Variants in ATR observed in about 807,000 individuals in gnomAD.
The protein encoded by ATR is serine/threonine-protein kinase ATR.
Under a neutral mutation model 305.3 loss-of-function variants are expected in ATR, and 142 were observed. The ratio of observed to expected loss-of-function variants is 0.47; its 90% confidence interval spans 0.41 to 0.53. The LOEUF is 0.53. ATR is among the 20% of genes least tolerant of loss of function. ATR has a pLI of 0.00. For missense variants in ATR, 2,135 were observed against 3,133.1 expected (o/e 0.68, Z 7.60); for synonymous variants, 1,050 against 1,068.1 (o/e 0.98, Z 0.33).
intron 16 of ATR, among the ~76,000 whole-genome samples, chr3:142,546,984 A>G (rs923890675): frequency 1.3e-5 from 2 of 152,188 alleles, no homozygotes; most frequent in African/African-American, 2.4e-5. Flanking sequence ...TTTATATCCT[A>G]CTGCTCAAGG....
At chr3:142,470,366 C>T (rs1425060251) in intron 36 of ATR, among the ~76,000 whole-genome samples, 183 bp from the exon 37 acceptor site, 2 of 152,140 alleles carry the variant, frequency 1.3e-5, no homozygotes, top group Admixed American at 1.3e-4. Context: ...TCTACATTCC[C>T]TGTACCAAAA....
chr3:142,451,526 A>G, intron 46 of ATR: 1 of 1,400,272 alleles, frequency 7.1e-7, no homozygotes, highest in Non-Finnish European at 9.4e-7. Flanking sequence ...GAAAGAGAAC[A>G]CCAACACCTA....
Position 142,553,984 on chromosome 3 carries a change from C to T in ATR, c.2373G>A (p.Lys791=). Residue 791 remains lysine (K), a synonymous_variant, in exon 11 of 47, where the codon AAG becomes AAA. Transcript: ENST00000350721. ...TTTCATCTTCTCTAAAATCAAGATGCTTACAAAGATGATGTAGATTATCTA... is the reference window on the plus strand; with the variant it reads ...TTTCATCTTCTCTAAAATCAAGATGTTTACAAAGATGATGTAGATTATCTA... ...AFIDNLHHLC[K]HLDFREDETD... The T allele has an allele frequency of 6.2e-7, 1 of 1,609,448 alleles. No homozygotes were observed. Among genetic ancestry groups the T allele is most frequent in the Non-Finnish European group, 8.5e-7 (1 of 1,177,964 alleles).
chr3:142,468,492 C>A (rs1165352713), intron 38 of ATR, among the ~76,000 whole-genome samples: 1 of 151,868 alleles, frequency 6.6e-6, no homozygotes, highest in East Asian at 1.9e-4. Context: ...TGTACGGCAA[C>A]ATAATTAAAT....
intron 36 of ATR, among the ~76,000 whole-genome samples, chr3:142,471,799 T>A (rs1054731129): frequency 2.6e-5 from 4 of 152,214 alleles, no homozygotes; most frequent in Non-Finnish European, 5.9e-5. Context: ...TTAACTATAG[T>A]GACCATGTTG....
intron 9 of ATR, 21 bp downstream of exon 9, chr3:142,556,362 A>G: frequency 6.3e-7 from 1 of 1,599,398 alleles, no homozygotes; most frequent in Non-Finnish European, 8.6e-7. Flanking sequence ...GATATATTCA[A>G]ATTAAAATCT....
chr3:142,565,607 A>T (rs376202512), intron 3 of ATR, among the ~76,000 whole-genome samples: 1 of 152,042 alleles, frequency 6.6e-6, no homozygotes. Flanking sequence ...TTGTTTACAA[A>T]AACTGAAGCC....
rs182442673 is a variant in ATR at position 142,452,930 on chromosome 3, G to T, written c.7761+198C>A. 1.7e-4 allele frequency: 248 copies of T among 1,428,014 alleles called. 2 individuals carry two copies. Among genetic ancestry groups the T allele is most frequent in the Middle Eastern group, 4.6e-4 (2 of 4,330 alleles). 88.5% of individuals were successfully genotyped at this position (1,428,014 alleles called of 1,614,324 possible). A position where few individuals can be genotyped will look rare whatever the true frequency, so the allele number is the denominator to read the frequency against. The stretch of plus-strand genomic sequence containing the variant: ...CCATGAACTTTTATTATACAAATGC[G>T]AATACTGTTAACATTACTGACAATA... On this transcript the variant is annotated intron_variant, in intron 46 of 46. Coordinates refer to ENST00000350721, the MANE Select transcript of ATR (RefSeq NM_001184.4).
Position 142,547,773 on chromosome 3 carries a change from A to C in ATR, c.3309T>G (p.Ser1103Arg). 1 of 1,614,002 alleles carries C rather than the reference A, an allele frequency of 6.2e-7. No homozygotes were observed. The highest frequency in any genetic ancestry group is 8.5e-7 in the Non-Finnish European group (1 of 1,179,932). Reference protein sequence around the residue: ...GLSILASFASSDDPYQGPRDI... With the variant: ...GLSILASFASRDDPYQGPRDI... Reference sequence around the variant, plus strand: ...CTCTCGGGCCCTGATATGGATCATCACTGGATGCAAATGAGGCAAGTATTG... The same window carrying C: ...CTCTCGGGCCCTGATATGGATCATCCCTGGATGCAAATGAGGCAAGTATTG... The change falls in exon 16 of 47, where the codon AGT (serine) becomes AGG (arginine). Residue 1103 changes from serine (S) to arginine (R), a missense_variant. By Grantham distance (110) the Ser-to-Arg change is moderately radical. Around this residue, in one of 9 missense-constraint regions of ATR, gnomAD observed 530 missense variants for 766.8 expected, o/e 0.69. Transcript: ENST00000350721.
At chr3:142,474,732 G>T (rs534524681) in intron 36 of ATR, among the ~76,000 whole-genome samples, 4 of 151,878 alleles carry the variant, frequency 2.6e-5, no homozygotes, top group Non-Finnish European at 4.4e-5. Context: ...CTCTCTTCTC[G>T]AATTGCTATG....
intron 23 of ATR, among the ~76,000 whole-genome samples, chr3:142,521,136 A>G (rs2108392054): frequency 6.6e-6 from 1 of 152,342 alleles, no homozygotes; most frequent in African/African-American, 2.4e-5. Context: ...AAAAAAATTT[A>G]AAAATAAAAA....
chr3:142,543,810 C>G (rs926220413), intron 16 of ATR, among the ~76,000 whole-genome samples: 1 of 152,048 alleles, frequency 6.6e-6, no homozygotes, highest in Non-Finnish European at 1.5e-5. Flanking sequence ...CCTGTGACTA[C>G]AGGCACGCAC....
chr3:142,500,579 G>A (rs1165225929), intron 30 of ATR, among the ~76,000 whole-genome samples: 1 of 152,068 alleles, frequency 6.6e-6, no homozygotes, highest in Non-Finnish European at 1.5e-5. Context: ...GTAACAGAGA[G>A]GCTGGAATCA....
intron 24 of ATR, among the ~76,000 whole-genome samples, chr3:142,516,706 A>G (rs1463916574): frequency 6.6e-6 from 1 of 152,090 alleles, no homozygotes; most frequent in Non-Finnish European, 1.5e-5. Context: ...AAAGAGATCT[A>G]TTCCTTCTAA....
At chr3:142,465,807 C>G (rs1310027993) in intron 40 of ATR, 1 of 170,246 alleles carries the variant, frequency 5.9e-6, no homozygotes, top group Admixed American at 5.8e-5. Context: ...GAGTTCAAGA[C>G]TAGCCTGGGC....
At position 142,535,214 on chromosome 3, in the gene ATR, A is replaced by G. The variant is rs2108425500; in HGVS notation, c.3820-9T>C. 1.9e-6 allele frequency: 3 copies of G among 1,612,692 alleles called. No individual in the cohort carries two copies. Among genetic ancestry groups the G allele is most frequent in the Middle Eastern group, 1.7e-4 (1 of 6,048 alleles). On this transcript the variant is annotated splice_polypyrimidine_tract_variant and intron_variant, in intron 20 of 46. Transcript: ENST00000350721. ...GTGCTCTCAGAGGTCTCCTATATAC[A>G]AAGCACAGAGAGACAGAACTTATTA... is the stretch of plus-strand genomic sequence containing the variant.
chr3:142,541,252 T>C (rs28590468), intron 17 of ATR, among the ~76,000 whole-genome samples: 2 of 152,212 alleles, frequency 1.3e-5, no homozygotes, highest in African/African-American at 4.8e-5. Flanking sequence ...TTCTTTTTTG[T>C]TTTTTCCCTT....
intron 27 of ATR, among the ~76,000 whole-genome samples, chr3:142,508,923 C>CAA (rs11453887): frequency 0.067 from 7,878 of 117,950 alleles, 762 homozygotes; most frequent in African/African-American, 0.21. Flanking sequence ...GACTCCGTAT[C>CAA]AAAAAAAAAA....
At chr3:142,458,865 C>T (rs1030981418) in intron 44 of ATR, 93 bp downstream of exon 44, 14 of 1,395,430 alleles carry the variant, frequency 1.0e-5, no homozygotes, top group African/African-American at 1.4e-5. Flanking sequence ...GTGAGTATAA[C>T]TGCTACTAAC....
Sources: allele counts gnomAD v4.1 joint callset (sites outside exome capture counted in the v4.1 genomes callset), GRCh38; gene constraint gnomAD v4.1.1; regional missense constraint gnomAD v4.1.1; transcripts MANE v1.5; gene names NCBI Gene and HGNC (gene_info 2026-07-23, HGNC 2026-07-21).